The following CCDC85A variants were observed in gnomAD, a reference collection of about 807,000 sequenced individuals.
CCDC85A encodes the protein coiled-coil domain containing 85A, also known as coiled-coil domain-containing protein 85A.
A neutral mutation model predicts 50.2 loss-of-function variants in CCDC85A; 38 were observed. The observed-to-expected ratio is 0.76, with a 90% confidence interval of 0.58 to 0.99. The LOEUF (loss-of-function observed/expected upper bound fraction) is 0.99. Among genes scored for constraint, CCDC85A ranks in the 50% least tolerant of loss-of-function variants. The pLI is 0.00. For synonymous variants in CCDC85A, 366 were observed against 301.4 expected (o/e 1.21, Z -2.22); for missense variants, 820 against 742.0 (o/e 1.11, Z -1.22).
At chr2:56,276,713 G>A (rs188274270) in intron 2 of CCDC85A, among the ~76,000 whole-genome samples, 18 of 152,290 alleles carry the variant, frequency 1.2e-4, no homozygotes, top group East Asian at 3.9e-4. Flanking sequence ...TGTCAGCAGC[G>A]TGAAAATGGA....
At chr2:56,200,930 A>G (rs1038778373) in intron 2 of CCDC85A, among the ~76,000 whole-genome samples, 7 of 151,504 alleles carry the variant, frequency 4.6e-5, no homozygotes, top group Non-Finnish European at 1.0e-4. Flanking sequence ...AATTATATCC[A>G]ATAGTTTTTT....
chr2:56,213,109 A>G (rs1677246147), intron 2 of CCDC85A, among the ~76,000 whole-genome samples: 3 of 152,016 alleles, frequency 2.0e-5, no homozygotes, highest in African/African-American at 7.2e-5. Flanking sequence ...AGGAGATATA[A>G]TATCCCAGAA....
chr2:56,243,702 T>G (rs922149517), intron 2 of CCDC85A, among the ~76,000 whole-genome samples: 1 of 152,188 alleles, frequency 6.6e-6, no homozygotes, highest in Non-Finnish European at 1.5e-5. Flanking sequence ...TTGTAGATGT[T>G]CGACATCTGG....
intron 2 of CCDC85A, among the ~76,000 whole-genome samples, chr2:56,234,408 A>G (rs1007896252): frequency 6.6e-6 from 1 of 152,164 alleles, no homozygotes; most frequent in Non-Finnish European, 1.5e-5. Context: ...TAGCCCTTGA[A>G]TTGAACTGGC....
At chr2:56,277,405 T>A (rs1671000266) in intron 2 of CCDC85A, among the ~76,000 whole-genome samples, 1 of 150,346 alleles carries the variant, frequency 6.7e-6, no homozygotes, top group African/African-American at 2.5e-5. Context: ...TAAGCCCCTT[T>A]CCACAGAGAT....
intron 2 of CCDC85A, among the ~76,000 whole-genome samples, chr2:56,220,503 G>A (rs1025331834): frequency 6.6e-6 from 1 of 152,038 alleles, no homozygotes; most frequent in African/African-American, 2.4e-5. Context: ...AAAGACAATT[G>A]TACTTTCAAC....
chr2:56,256,626 C>T (rs1310635273), intron 2 of CCDC85A, among the ~76,000 whole-genome samples: 1 of 152,188 alleles, frequency 6.6e-6, no homozygotes, highest in Non-Finnish European at 1.5e-5. Context: ...CAAAGTAGGG[C>T]AGGCCCTTTT....
intron 2 of CCDC85A, among the ~76,000 whole-genome samples, chr2:56,224,920 A>G (rs960031642): frequency 9.9e-5 from 15 of 152,100 alleles, no homozygotes; most frequent in African/African-American, 3.6e-4. Context: ...ACAAGCAGAA[A>G]AGCTTTTAAT....
rs1398506343 is a variant in CCDC85A at position 56,374,219 on chromosome 2, T to C, written c.1453-1597T>C. ...TGCCATATTCTACTGCTTCCTCTCC[T>C]TGTTGGCCAGTGAGGCTGGGTGCAG... On this transcript the variant is annotated intron_variant, in intron 4 of 5. Transcript: ENST00000407595. Among the ~76,000 whole-genome samples the C allele has an allele frequency of 2.0e-5, 3 of 152,272 alleles. No individual in the cohort carries two copies. In the East Asian group the frequency reaches 5.8e-4, roughly 29 times the overall value.
In CCDC85A at chr2:56,311,200, C is replaced by T. The variant is rs78255794; in HGVS notation, c.1241-31679C>T. Reference sequence around the variant, plus strand: ...AGGCTGACAGAGAGGGAAATACACACACTTTCATGTCTCAAATTCTATAGT... The same window carrying T: ...AGGCTGACAGAGAGGGAAATACACATACTTTCATGTCTCAAATTCTATAGT... On this transcript the variant is annotated intron_variant, in intron 2 of 5. Transcript: ENST00000407595. Among the ~76,000 whole-genome samples the T allele has an allele frequency of 7.4e-3, 1,129 of 152,216 alleles. 24 individuals are homozygous for T. Among genetic ancestry groups the T allele is most frequent in the African/African-American group, 0.025 (1,057 of 41,554 alleles).
chr2:56,217,678 G>A (rs1668137802), intron 2 of CCDC85A, among the ~76,000 whole-genome samples: 1 of 151,776 alleles, frequency 6.6e-6, no homozygotes, highest in Admixed American at 6.6e-5. Context: ...GAATGGAAGG[G>A]AAATTCTTTT....
At chr2:56,373,979 C>G (rs575254124) in intron 4 of CCDC85A, among the ~76,000 whole-genome samples, 1 of 152,168 alleles carries the variant, frequency 6.6e-6, no homozygotes, top group Admixed American at 6.5e-5. Flanking sequence ...TGTCCCTTAA[C>G]CATCTTTTAA....
intron 5 of CCDC85A, among the ~76,000 whole-genome samples, chr2:56,383,346 A>T (rs1051835932): frequency 1.3e-5 from 2 of 151,976 alleles, no homozygotes; most frequent in African/African-American, 4.8e-5. Context: ...ATCTGATCAT[A>T]ATCCTTAGCG....
chr2:56,250,736 T>A (rs1338341135), intron 2 of CCDC85A, among the ~76,000 whole-genome samples: 1 of 152,204 alleles, frequency 6.6e-6, no homozygotes, highest in Non-Finnish European at 1.5e-5. Flanking sequence ...AATTGAGGTA[T>A]TTGGTTAATA....
At chr2:56,369,662 G>A (rs1192382273) in intron 3 of CCDC85A, among the ~76,000 whole-genome samples, 1 of 152,052 alleles carries the variant, frequency 6.6e-6, no homozygotes, top group East Asian at 1.9e-4. Context: ...AATAGTTCTT[G>A]GGGACTTTTT....
At chr2:56,302,892 A>G (rs531580825) in intron 2 of CCDC85A, among the ~76,000 whole-genome samples, 2 of 152,288 alleles carry the variant, frequency 1.3e-5, no homozygotes, top group South Asian at 4.1e-4. Flanking sequence ...TTTGATGTAC[A>G]TACTAACCCT....
At chr2:56,306,297 T>G (rs1245829112) in intron 2 of CCDC85A, among the ~76,000 whole-genome samples, 3 of 152,064 alleles carry the variant, frequency 2.0e-5, no homozygotes, top group African/African-American at 7.2e-5. Flanking sequence ...ACCCAGCTAA[T>G]TTTTGTATTT....
chr2:56,247,329 A>G (rs1170344988), intron 2 of CCDC85A, among the ~76,000 whole-genome samples: 1 of 152,260 alleles, frequency 6.6e-6, no homozygotes, highest in East Asian at 1.9e-4. Context: ...TTTAATACTT[A>G]TCTAGATTGC....
intron 2 of CCDC85A, among the ~76,000 whole-genome samples, chr2:56,206,199 T>C (rs1229757053): frequency 6.6e-6 from 1 of 152,166 alleles, no homozygotes; most frequent in Non-Finnish European, 1.5e-5. Context: ...ATAGCAACAT[T>C]AGTTTCTCAC....
Sources: gnomAD v4.1 joint callset for allele counts (sites outside exome capture counted in the v4.1 genomes callset) on GRCh38, gnomAD v4.1.1 for gene constraint, MANE v1.5 for transcripts, NCBI Gene and HGNC (gene_info 2026-07-23, HGNC 2026-07-21) for gene names.